The following SPOCK3 variants were observed in gnomAD, a reference collection of about 807,000 sequenced individuals.
SPOCK3 encodes the protein testican-3.
Under a neutral mutation model 56.6 loss-of-function variants are expected in SPOCK3, and 30 were observed. The ratio of observed to expected loss-of-function variants is 0.53; its 90% CI spans 0.40 to 0.72. The LOEUF (loss-of-function observed/expected upper bound fraction) is 0.72, where lower values mean the gene tolerates loss of function less well. Ranked by LOEUF, SPOCK3 falls within the 30% of genes least tolerant of loss-of-function variation. The pLI, the probability that SPOCK3 is intolerant of heterozygous loss-of-function variation, is 0.00. For synonymous variants in SPOCK3, 196 were observed against 183.3 expected (o/e 1.07, Z -0.56); for missense variants, 527 against 530.0 (o/e 0.99, Z 0.06).
intron 5 of SPOCK3, among the ~76,000 whole-genome samples, chr4:166,899,931 T>G (rs1276116934): frequency 2.0e-5 from 3 of 152,202 alleles, no homozygotes; most frequent in Admixed American, 6.5e-5. Context: ...GCCCAAAATC[T>G]TATTGCATTC....
At chr4:167,213,421 C>T (rs1735063979) in intron 2 of SPOCK3, among the ~76,000 whole-genome samples, 1 of 151,996 alleles carries the variant, frequency 6.6e-6, no homozygotes, top group Non-Finnish European at 1.5e-5. Flanking sequence ...TCACAAATTG[C>T]ATTAATGATA....
chr4:167,182,320 T>TC (rs562959555), intron 2 of SPOCK3, among the ~76,000 whole-genome samples: 4 of 147,912 alleles, frequency 2.7e-5, no homozygotes, highest in East Asian at 4.0e-4. Flanking sequence ...ACTAACATGA[T>TC]CCCCCCCAAT....
intron 4 of SPOCK3, among the ~76,000 whole-genome samples, chr4:166,914,609 A>G (rs1325453171): frequency 6.6e-6 from 1 of 152,062 alleles, no homozygotes. Flanking sequence ...CGTCTCTACT[A>G]AAAATACAAA....
At chr4:167,066,152 A>AT (rs1756111188) in intron 2 of SPOCK3, among the ~76,000 whole-genome samples, 2 of 151,856 alleles carry the variant, frequency 1.3e-5, no homozygotes, top group Admixed American at 6.6e-5. Flanking sequence ...TTAATGTTGC[A>AT]TTTTTTCTCT....
At chr4:166,755,799 T>G (rs568347768) in intron 7 of SPOCK3, among the ~76,000 whole-genome samples, 5 of 102,386 alleles carry the variant, frequency 4.9e-5, no homozygotes, top group Non-Finnish European at 1.0e-4. Context: ...ATACAAAATC[T>G]ATTTTGATAG....
At chr4:166,881,865 TATTTATATATTTGGAAAGCTA>T (rs1437600312) in intron 6 of SPOCK3, among the ~76,000 whole-genome samples, 1 of 152,102 alleles carries the variant, frequency 6.6e-6, no homozygotes, top group Non-Finnish European at 1.5e-5. Context: ...CAATTGACCT[TATTTATATATTTGGAAAGCTA>T]ATACGTCCTA....
At chr4:167,068,009 T>C (rs1368132258) in intron 2 of SPOCK3, among the ~76,000 whole-genome samples, 1 of 151,768 alleles carries the variant, frequency 6.6e-6, no homozygotes, top group Non-Finnish European at 1.5e-5. Context: ...ACCTCACTGT[T>C]TAATGAGTGA....
At position 166,806,429 on chromosome 4, in the gene SPOCK3, A is replaced by G. The variant is rs575681022; in HGVS notation, c.590-14140T>C. Among the ~76,000 whole-genome samples the G allele has an allele frequency of 1.4e-4, 22 of 152,142 alleles. No individual in the cohort carries two copies. In the East Asian group the frequency reaches 3.7e-3, roughly 25 times the overall value. Reference sequence around the variant, plus strand: ...TTTCTTTCTCAGGCAATTAACCTACAATTGATGCTTCTATTTTGCATGTTA... The same window carrying G: ...TTTCTTTCTCAGGCAATTAACCTACGATTGATGCTTCTATTTTGCATGTTA... On this transcript the variant is annotated intron_variant, in intron 6 of 10. Coordinates refer to ENST00000357545, the MANE Select transcript of SPOCK3 (RefSeq NM_001040159.2).
intron 2 of SPOCK3, among the ~76,000 whole-genome samples, chr4:167,180,320 A>G (rs1275718247): frequency 2.0e-5 from 3 of 152,122 alleles, no homozygotes; most frequent in South Asian, 2.1e-4. Flanking sequence ...ACTCATACAA[A>G]GTTGTACTTA....
intron 3 of SPOCK3, among the ~76,000 whole-genome samples, chr4:167,060,029 T>A (rs191893887): frequency 2.6e-5 from 4 of 151,030 alleles, no homozygotes; most frequent in African/African-American, 4.9e-5. Context: ...GAGGGATAGC[T>A]TTAGGAGATA....
chr4:166,942,772 G>T (rs927788038), intron 4 of SPOCK3, among the ~76,000 whole-genome samples: 2 of 152,146 alleles, frequency 1.3e-5, no homozygotes, highest in Non-Finnish European at 1.5e-5. Flanking sequence ...CATTCAAGAA[G>T]AATTTATAAC....
chr4:166,841,640 A>G (rs1246657036), intron 6 of SPOCK3, among the ~76,000 whole-genome samples: 5 of 141,488 alleles, frequency 3.5e-5, no homozygotes, highest in African/African-American at 1.4e-4. Context: ...GGAAAATTAT[A>G]AAAATGTCCA....
At chr4:166,754,822 G>A (rs1199658836) in intron 7 of SPOCK3, 93 bp from the exon 8 acceptor site, 1 of 1,083,900 alleles carries the variant, frequency 9.2e-7, no homozygotes, top group Non-Finnish European at 1.4e-6. Flanking sequence ...GCTAGTGTAG[G>A]ACATCTAATG....
At chr4:167,218,869 G>C (rs939156618) in intron 2 of SPOCK3, among the ~76,000 whole-genome samples, 3 of 152,144 alleles carry the variant, frequency 2.0e-5, no homozygotes, top group Non-Finnish European at 4.4e-5. Flanking sequence ...TGTACTAAGT[G>C]TGTGGTCTAT....
At chr4:166,991,998 T>G (rs1239263839) in intron 4 of SPOCK3, among the ~76,000 whole-genome samples, 1 of 152,146 alleles carries the variant, frequency 6.6e-6, no homozygotes, top group Non-Finnish European at 1.5e-5. Context: ...AATAAAGTAT[T>G]AAGTTAAGTA....
intron 7 of SPOCK3, among the ~76,000 whole-genome samples, chr4:166,791,119 T>C (rs994069002): frequency 6.2e-5 from 9 of 145,250 alleles, no homozygotes; most frequent in South Asian, 2.2e-4. Context: ...ATATATGGAT[T>C]AGTCATTACG....
At chr4:167,178,729 T>C (rs1384746626) in intron 2 of SPOCK3, among the ~76,000 whole-genome samples, 1 of 152,128 alleles carries the variant, frequency 6.6e-6, no homozygotes, top group Non-Finnish European at 1.5e-5. Flanking sequence ...CAAAAATTCA[T>C]TGTGTAATTT....
intron 2 of SPOCK3, among the ~76,000 whole-genome samples, chr4:167,214,294 G>A (rs1032441658): frequency 2.2e-4 from 33 of 152,016 alleles, no homozygotes; most frequent in Admixed American, 9.8e-4. Flanking sequence ...AATATTTGTC[G>A]TTATCTTTTT....
intron 6 of SPOCK3, among the ~76,000 whole-genome samples, chr4:166,871,434 G>A (rs1732460941): frequency 1.3e-5 from 2 of 152,178 alleles, no homozygotes; most frequent in Non-Finnish European, 1.5e-5. Flanking sequence ...ACAGCTATAT[G>A]CTCATAAATT....
Sources: allele counts gnomAD v4.1 joint callset (sites outside exome capture counted in the v4.1 genomes callset), GRCh38; gene constraint gnomAD v4.1.1; transcripts MANE v1.5; gene names NCBI Gene and HGNC (gene_info 2026-07-23, HGNC 2026-07-21).